The following NEK7 variants were observed in gnomAD, a reference collection of about 807,000 sequenced individuals.
NEK7 encodes NIMA related kinase 7.
In NEK7, 18 loss-of-function variants were observed where a neutral mutation model predicts 44.6. The ratio of observed to expected loss-of-function variants is 0.40; its 90% CI spans 0.28 to 0.60. NEK7 has a LOEUF of 0.60. NEK7 is among the 20% of genes least tolerant of loss of function. The pLI is 0.38. For synonymous variants in NEK7, 130 were observed against 121.1 expected (o/e 1.07, Z -0.48); for missense variants, 256 against 366.5 (o/e 0.70, Z 2.46).
chr1:198,217,131 C>T (rs938131944), intron 1 of NEK7, among the ~76,000 whole-genome samples: 3 of 151,934 alleles, frequency 2.0e-5, no homozygotes, highest in Non-Finnish European at 4.4e-5. Flanking sequence ...GATATCAAAG[C>T]CAGGAAAGGA....
At chr1:198,209,905 C>T (rs1665714087) in intron 1 of NEK7, among the ~76,000 whole-genome samples, 1 of 152,126 alleles carries the variant, frequency 6.6e-6, no homozygotes, top group Admixed American at 6.5e-5. Flanking sequence ...CAACTTCTGC[C>T]TCCTGGGTTC....
At chr1:198,264,283 T>A in intron 5 of NEK7, 48 bp downstream of exon 5, 1 of 1,348,088 alleles carries the variant, frequency 7.4e-7, no homozygotes, top group Non-Finnish European at 1.0e-6. Flanking sequence ...TTTTTTTTTC[T>A]AATAGAATTG....
At chr1:198,168,042 A>T (rs918473610) in intron 1 of NEK7, among the ~76,000 whole-genome samples, 8 of 152,230 alleles carry the variant, frequency 5.3e-5, no homozygotes, top group Admixed American at 4.6e-4. Flanking sequence ...TTTGGAGTTT[A>T]TAAACAGCAC....
intron 1 of NEK7, among the ~76,000 whole-genome samples, chr1:198,203,204 A>G (rs749437634): frequency 1.3e-5 from 2 of 152,198 alleles, no homozygotes; most frequent in Non-Finnish European, 2.9e-5. Flanking sequence ...GGAGTGTCAC[A>G]TTAGTTACAG....
At chr1:198,179,207 C>G (rs992472457) in intron 1 of NEK7, among the ~76,000 whole-genome samples, 1 of 151,992 alleles carries the variant, frequency 6.6e-6, no homozygotes, top group Non-Finnish European at 1.5e-5. Context: ...TTTAGGCATT[C>G]TATATACTAT....
At chr1:198,192,510 T>A (rs976896551) in intron 1 of NEK7, among the ~76,000 whole-genome samples, 5 of 152,080 alleles carry the variant, frequency 3.3e-5, no homozygotes, top group Non-Finnish European at 7.4e-5. Context: ...ACCAGGTAGA[T>A]GGTGGTATTT....
intron 8 of NEK7, among the ~76,000 whole-genome samples, chr1:198,295,811 A>G (rs1410432716): frequency 1.6e-5 from 1 of 62,194 alleles, no homozygotes; most frequent in Non-Finnish European, 2.7e-5. Flanking sequence ...AACCACTATT[A>G]TTATTATTAT....
chr1:198,209,956 T>TC (rs1251589407), intron 1 of NEK7, among the ~76,000 whole-genome samples: 1 of 151,184 alleles, frequency 6.6e-6, no homozygotes, highest in East Asian at 2.0e-4. Flanking sequence ...AGCTGGGACT[T>TC]CCTGGCTATT....
intron 1 of NEK7, among the ~76,000 whole-genome samples, chr1:198,185,190 ATTTTTTTTTTTT>A (rs919588030): frequency 1.2e-5 from 1 of 83,818 alleles, no homozygotes; most frequent in African/African-American, 4.8e-5. Context: ...CATGCTGTCT[ATTTTTTTTTTTT>A]TTTTTTTTTT....
intron 1 of NEK7, chr1:198,197,827 G>T: frequency 1.3e-6 from 1 of 782,498 alleles, no homozygotes; most frequent in Non-Finnish European, 2.3e-6. Flanking sequence ...TGCCATGCTC[G>T]TGGTGCTTGT....
chr1:198,203,021 T>C (rs1437432716), intron 1 of NEK7, among the ~76,000 whole-genome samples: 1 of 147,772 alleles, frequency 6.8e-6, no homozygotes, highest in African/African-American at 2.4e-5. Context: ...GAATTACAAA[T>C]GCTTTTGGAG....
rs562422293 is a variant in NEK7 at position 198,215,692 on chromosome 1, C to G, written c.-28-16861C>G. Among the ~76,000 whole-genome samples the G allele has an allele frequency of 5.3e-5, 8 of 151,694 alleles. No individual in the cohort carries two copies. The East Asian group carries it at 1.6e-3, about 29-fold the overall frequency. ...CCTAACACGTGAGGATTCTTATGGA[C>G]TTAAGGTAAAGGAGTGGAAAAAGAT... is the stretch of plus-strand genomic sequence containing the variant. On this transcript the variant is annotated intron_variant, in intron 1 of 9. Transcript: ENST00000367385.
chr1:198,222,679 A>T (rs1311284447), intron 1 of NEK7, among the ~76,000 whole-genome samples: 1 of 152,188 alleles, frequency 6.6e-6, no homozygotes, highest in Non-Finnish European at 1.5e-5. Context: ...TTCATGTTTT[A>T]TTCATTCAGC....
At chr1:198,159,460 G>T (rs748422747) in intron 1 of NEK7, among the ~76,000 whole-genome samples, 4 of 152,204 alleles carry the variant, frequency 2.6e-5, no homozygotes, top group Non-Finnish European at 4.4e-5. Context: ...TATAGTCCAT[G>T]TGACTGAGGC....
At chr1:198,280,975 T>C (rs1362139635) in intron 7 of NEK7, among the ~76,000 whole-genome samples, 1 of 151,714 alleles carries the variant, frequency 6.6e-6, no homozygotes, top group Non-Finnish European at 1.5e-5. Flanking sequence ...ATCCTTAAAA[T>C]AAGAAAATTT....
rs1665180438 is a variant in NEK7, at chr1:198,194,642, T to A, written c.-29+37366T>A. Among the ~76,000 whole-genome samples the A allele has an allele frequency of 2.6e-5, 4 of 152,192 alleles. No homozygotes were observed. In the South Asian group the frequency reaches 8.3e-4, roughly 31 times the overall value. ...TCCATCCATATTCCCACAAAGGACA[T>A]AATCTCCTTCTTTTTTATGACTGCA... On this transcript the variant is annotated intron_variant, in intron 1 of 9. Transcript: ENST00000367385.
intron 9 of NEK7, among the ~76,000 whole-genome samples, chr1:198,305,287 A>G (rs1405531179): frequency 6.6e-6 from 1 of 152,190 alleles, no homozygotes; most frequent in Non-Finnish European, 1.5e-5. Flanking sequence ...ATAGATATGA[A>G]GTTCTTAATG....
chr1:198,278,076 T>A lies in NEK7; in HGVS notation c.481+7T>A. 1.4e-6 allele frequency: 2 copies of A among 1,382,860 alleles called. No individual in the cohort carries two copies. Among genetic ancestry groups the A allele is most frequent in the Non-Finnish European group, 2.1e-6 (2 of 975,408 alleles). 85.7% of individuals were successfully genotyped at this position (1,382,860 alleles called of 1,614,324 possible). On this transcript the variant is annotated splice_region_variant and intron_variant, in intron 6 of 9. Coordinates refer to ENST00000367385, the MANE Select transcript of NEK7 (RefSeq NM_133494.3). Reference sequence around the variant, plus strand: ...CGAAGAGTCATGCATAGAGGTAAGATAAAATCATTAAGTACTTTTAATCTT... The same window carrying A: ...CGAAGAGTCATGCATAGAGGTAAGAAAAAATCATTAAGTACTTTTAATCTT...
intron 9 of NEK7, among the ~76,000 whole-genome samples, chr1:198,297,557 TTAATCA>T (rs1383883097): frequency 6.6e-6 from 1 of 152,216 alleles, no homozygotes; most frequent in African/African-American, 2.4e-5. Context: ...TAGGCTCTAG[TTAATCA>T]TCATGTCTGA....
Sources: gnomAD v4.1 joint callset for allele counts (sites outside exome capture counted in the v4.1 genomes callset) on GRCh38, gnomAD v4.1.1 for gene constraint, MANE v1.5 for transcripts, NCBI Gene and HGNC (gene_info 2026-07-23, HGNC 2026-07-21) for gene names.